The following NEB variants were observed in gnomAD, a reference collection of about 807,000 sequenced individuals.
NEB encodes nebulin.
Under a neutral mutation model 952.2 loss-of-function variants are expected in NEB, and 512 were observed. That is an observed-to-expected ratio of 0.54 (90% CI 0.50 to 0.58). NEB has a LOEUF of 0.58. Among genes scored for constraint, NEB ranks in the 20% least tolerant of loss-of-function variants. The probability of loss-of-function intolerance (pLI) is 0.00; values close to 1 mark genes in which losing one functional copy is unlikely to be tolerated. For synonymous variants in NEB, 2,900 were observed against 3,149.8 expected, an observed-to-expected ratio of 0.92 and a Z score of 2.66; for missense variants, 8,428 against 9,231.1, an observed-to-expected ratio of 0.91 and a Z score of 3.56.
chr2:151,540,197 A>T (rs765306341), intron 138 of NEB, 147 bp downstream of exon 138: 133 of 435,296 alleles, frequency 3.1e-4, no homozygotes, highest in South Asian at 4.9e-4. Context: ...TTGTTTGGGC[A>T]TTTTTTTTTC....
At chr2:151,673,392 T>C (rs1245636719) in intron 36 of NEB, among the ~76,000 whole-genome samples, 1 of 149,994 alleles carries the variant, frequency 6.7e-6, no homozygotes, top group African/African-American at 2.5e-5. Context: ...GGCAAAAGGA[T>C]CGTCAAGTAA....
chr2:151,728,019 C>G (rs2099796195), intron 4 of NEB, 113 bp from the exon 5 acceptor site: 1 of 807,664 alleles, frequency 1.2e-6, no homozygotes, highest in African/African-American at 1.7e-5. Context: ...GGTGTTACTT[C>G]TCCATATCTA....
chr2:151,491,692 T>A lies in NEB; in HGVS notation c.25141A>T (p.Met8381Leu), dbSNP rs147872436. The part of the protein sequence containing the change: ...EDNIQSRSLH[M>L]INVQAQRRSR... Reference sequence around the variant, plus strand: ...TTTTCAGCTAACACACCATTAATCATGTGTAAGCTTCGGGACTGGATGTTG... The same window carrying A: ...TTTTCAGCTAACACACCATTAATCAAGTGTAAGCTTCGGGACTGGATGTTG... The change falls in exon 179 of 182, where the codon ATG (methionine) becomes TTG (leucine). Residue 8381 changes from methionine to leucine, a missense_variant. Around this residue, in one of 11 missense-constraint regions of NEB, gnomAD observed 3,374 missense variants for 3,651.5 expected, o/e 0.92. Coordinates refer to ENST00000397345, the MANE Select transcript of NEB (RefSeq NM_001164508.2). The A allele has an allele frequency of 1.3e-6, 2 of 1,590,714 alleles. No homozygotes were observed. The highest frequency in any genetic ancestry group is 1.3e-5 in the African/African-American group (1 of 74,668).
At chr2:151,710,803 G>A (rs968432904) in intron 10 of NEB, among the ~76,000 whole-genome samples, 2 of 152,120 alleles carry the variant, frequency 1.3e-5, no homozygotes, top group African/African-American at 4.8e-5. Flanking sequence ...TTCGGAAGTT[G>A]CAGATGTCCC....
rs1219012029 is a variant in NEB, at chr2:151,501,465, A to G, written c.23947T>C (p.Leu7983=). Residue 7983 remains leucine, a synonymous_variant, in exon 168 of 182, where the codon TTG becomes CTG. Transcript: ENST00000397345. ...ACAGGTAGGGGAGTCCCCTTGCTCA[A>G]GTTCTCTTTGTACAATATCTGTGTG... The part of the protein sequence containing the change: ...NFSSILYKEN[L]SKGTPLPVTP... 1.3e-6 allele frequency: 2 copies of G among 1,527,360 alleles called. No individual in the cohort carries two copies. The highest frequency in any genetic ancestry group is 1.4e-5 in the African/African-American group (1 of 72,176). 94.6% of individuals were successfully genotyped at this position (1,527,360 alleles called of 1,614,324 possible). A position where few individuals can be genotyped will look rare whatever the true frequency, so the allele number is the denominator to read the frequency against.
At chr2:151,659,537 G>A (rs1214987316) in intron 46 of NEB, among the ~76,000 whole-genome samples, 1 of 152,122 alleles carries the variant, frequency 6.6e-6, no homozygotes, top group Non-Finnish European at 1.5e-5. Context: ...CTGAGCTCAA[G>A]CAATCCACCT....
chr2:151,583,978 TG>T (rs1021786726), intron 100 of NEB, among the ~76,000 whole-genome samples: 2 of 120,208 alleles, frequency 1.7e-5, no homozygotes, highest in African/African-American at 6.2e-5. Flanking sequence ...AGGAGGGAGA[TG>T]GTATGGTGAA....
At chr2:151,511,849 G>C (rs917484798) in intron 161 of NEB, among the ~76,000 whole-genome samples, 3 of 151,874 alleles carry the variant, frequency 2.0e-5, no homozygotes, top group African/African-American at 7.3e-5. Context: ...TCCAAATGTG[G>C]GCTACTTTGT....
At chr2:151,533,681 A>C (rs1044064820) in intron 142 of NEB, 135 bp from the exon 143 acceptor site, 1 of 611,650 alleles carries the variant, frequency 1.6e-6, no homozygotes, top group Non-Finnish European at 2.9e-6. Flanking sequence ...GTGCGGGTGA[A>C]GACATCAAAT....
intron 3 of NEB, among the ~76,000 whole-genome samples, chr2:151,730,336 G>T (rs911383700): frequency 3.3e-5 from 5 of 152,250 alleles, no homozygotes; most frequent in South Asian, 4.1e-4. Flanking sequence ...GGGAAAGGTA[G>T]GCTGCAATTT....
intron 92 of NEB, among the ~76,000 whole-genome samples, chr2:151,594,723 T>A (rs1350443949): frequency 3.7e-5 from 4 of 107,346 alleles, no homozygotes; most frequent in Non-Finnish European, 8.2e-5. Flanking sequence ...ATGAGGTAGA[T>A]ACTATTATTA....
intron 63 of NEB, among the ~76,000 whole-genome samples, chr2:151,638,977 G>C (rs2154099822): frequency 6.6e-6 from 1 of 152,022 alleles, no homozygotes; most frequent in Non-Finnish European, 1.5e-5. Flanking sequence ...AGCATAAAGG[G>C]GAGATACATG....
At position 151,567,498 on chromosome 2, in the gene NEB, T is replaced by C. The variant is rs768178300; in HGVS notation, c.17845-19A>G. On this transcript the variant is annotated intron_variant, in intron 113 of 181. Transcript: ENST00000397345. ...ATTTCAGCTGGCGAGAAGAGGAATA[T>C]AAATTCCATCAGTTTTGACAAGCAC... 10 of 1,581,304 alleles carry C rather than the reference T, an allele frequency of 6.3e-6. No homozygotes were observed. The highest frequency in any genetic ancestry group is 8.6e-6 in the Non-Finnish European group (10 of 1,161,912).
At chr2:151,511,390 A>C (rs929650450) in intron 161 of NEB, among the ~76,000 whole-genome samples, 1 of 152,226 alleles carries the variant, frequency 6.6e-6, no homozygotes, top group African/African-American at 2.4e-5. Context: ...TACAATATAC[A>C]ACTATATGTT....
chr2:151,577,292 ACTTC>A (rs2096906564), intron 105 of NEB, among the ~76,000 whole-genome samples: 1 of 152,026 alleles, frequency 6.6e-6, no homozygotes, highest in Non-Finnish European at 1.5e-5. Context: ...TGTCATCTGT[ACTTC>A]CATTGGCCCT....
At chr2:151,705,780 A>G (rs2099703426) in intron 13 of NEB, among the ~76,000 whole-genome samples, 1 of 152,230 alleles carries the variant, frequency 6.6e-6, no homozygotes, top group Non-Finnish European at 1.5e-5. Flanking sequence ...AGCAACTTGA[A>G]TGGAGCTGGA....
chr2:151,697,404 G>A lies in NEB; in HGVS notation c.1311C>T (p.Ser437=). The change falls in exon 15 of 182, where the codon AGC becomes AGT. Residue 437 remains serine, a synonymous_variant. Transcript: ENST00000397345. ...LKDILGHYVG[S]FEDPYHSHCM... is the part of the protein sequence containing the mutation. Reference sequence around the variant, plus strand: ...AGTGTGAATGGTATGGATCCTCGAAGCTGCCTACATAATGTCCCAAAATAT... The same window carrying A: ...AGTGTGAATGGTATGGATCCTCGAAACTGCCTACATAATGTCCCAAAATAT... 2 of 1,613,944 alleles carry A rather than the reference G, an allele frequency of 1.2e-6. No homozygotes were observed. Among genetic ancestry groups the A allele is most frequent in the South Asian group, 1.1e-5 (1 of 91,068 alleles).
intron 110 of NEB, 71 bp downstream of exon 110, chr2:151,569,195 CTA>C: frequency 8.3e-7 from 1 of 1,199,222 alleles, no homozygotes. Flanking sequence ...TATTAGATGA[CTA>C]TATTTTAGCT....
At chr2:151,643,439 A>G (rs2098913506) in intron 57 of NEB, 86 bp from the exon 58 acceptor site, 1 of 1,193,928 alleles carries the variant, frequency 8.4e-7, no homozygotes. Flanking sequence ...ATTTGCCCCT[A>G]AATAAAAGTT....
Sources: allele counts gnomAD v4.1 joint callset (sites outside exome capture counted in the v4.1 genomes callset), GRCh38; gene constraint gnomAD v4.1.1; regional missense constraint gnomAD v4.1.1; transcripts MANE v1.5; gene names NCBI Gene and HGNC (gene_info 2026-07-23, HGNC 2026-07-21).